The following PARP6 variants were observed in gnomAD, a reference collection of about 807,000 sequenced individuals.
PARP6 encodes poly(ADP-ribose) polymerase family member 6, also known as protein mono-ADP-ribosyltransferase PARP6.
PARP6 carries 27 observed loss-of-function variants against 92.0 expected under a neutral mutation model. The observed-to-expected ratio is 0.29, with a 90% CI of 0.22 to 0.40. PARP6 has a LOEUF of 0.40. Ranked by LOEUF, PARP6 falls within the 10% of genes least tolerant of loss-of-function variation. The pLI is 1.00. For missense variants in PARP6, 501 were observed against 784.5 expected (o/e 0.64, Z 4.32); for synonymous variants, 272 against 281.2 (o/e 0.97, Z 0.33).
rs1186709281 is a variant in PARP6 at position 72,266,835 on chromosome 15, A to G, written c.4-13T>C. ...GGCCTTTGATGTCCTAGTGGTGAGA[A>G]ATAAGGATATCATGCTTTGTTAGGT... is the stretch of plus-strand genomic sequence containing the variant. On this transcript the variant is annotated splice_polypyrimidine_tract_variant and intron_variant, in intron 3 of 23. Transcript: ENST00000569795. 6 of 1,601,264 alleles carry G rather than the reference A, an allele frequency of 3.7e-6. No homozygotes were observed. The highest frequency in any genetic ancestry group is 5.1e-6 in the Non-Finnish European group (6 of 1,168,426).
chr15:72,260,747 G>C, intron 9 of PARP6, 59 bp from the exon 10 acceptor site: 2 of 1,345,462 alleles, frequency 1.5e-6, no homozygotes, highest in South Asian at 2.3e-5. Flanking sequence ...ATCCCTGGAG[G>C]GGACTGGAGA....
intron 2 of PARP6, among the ~76,000 whole-genome samples, chr15:72,268,029 G>A (rs2086833886): frequency 6.6e-6 from 1 of 152,186 alleles, no homozygotes; most frequent in South Asian, 2.1e-4. Context: ...TGGGAATACA[G>A]GCGTGAGCCA....
chr15:72,249,663 G>A (rs550616261), intron 19 of PARP6, among the ~76,000 whole-genome samples: 1 of 152,310 alleles, frequency 6.6e-6, no homozygotes, highest in South Asian at 2.1e-4. Context: ...CACACTCCCT[G>A]GAGTCTCTCA....
At chr15:72,259,425 T>C (rs1192994649) in intron 11 of PARP6, among the ~76,000 whole-genome samples, 183 bp downstream of exon 11, 1 of 152,248 alleles carries the variant, frequency 6.6e-6, no homozygotes, top group Non-Finnish European at 1.5e-5. Flanking sequence ...GTGGTAAGTA[T>C]TGTCTTTCTA....
intron 2 of PARP6, among the ~76,000 whole-genome samples, chr15:72,270,662 G>T (rs575267635): frequency 2.6e-5 from 4 of 152,036 alleles, no homozygotes; most frequent in Admixed American, 2.6e-4. Flanking sequence ...CACATGGCTT[G>T]TTCCTTCACT....
intron 14 of PARP6, among the ~76,000 whole-genome samples, chr15:72,254,764 A>G (rs1204834073): frequency 5.9e-5 from 9 of 152,206 alleles, no homozygotes; most frequent in Admixed American, 5.2e-4. Context: ...GCAAGTGAAG[A>G]TAACTCCTAT....
chr15:72,254,055 T>C lies in PARP6; in HGVS notation c.1191+400A>G, dbSNP rs1367381719. The C allele has an allele frequency of 6.4e-6, 3 of 465,180 alleles. No individual in the cohort carries two copies. In the Admixed American group the frequency reaches 7.0e-5, roughly 11 times the overall value. The allele number at this position is 465,180 out of a possible 1,614,324, so 28.8% of individuals were successfully genotyped here. On this transcript the variant is annotated intron_variant, in intron 15 of 23. Coordinates refer to ENST00000569795, the MANE Select transcript of PARP6 (RefSeq NM_001323532.2). ...GAGTCAAAGGATGGTCACCGCTCCA[T>C]GTGGCTGCCCCACCCCTAGAAGGAT...
At chr15:72,243,261 A>T (rs2083264652) in intron 20 of PARP6, 2 of 152,386 alleles carry the variant, frequency 1.3e-5, no homozygotes, top group South Asian at 2.1e-4. Context: ...CAGCACATGA[A>T]ATCAGCCAGG....
At chr15:72,253,302 C>G (rs536645746) in intron 16 of PARP6, 135 bp downstream of exon 16, 1 of 504,906 alleles carries the variant, frequency 2.0e-6, no homozygotes, top group South Asian at 4.9e-5. Context: ...CAACAAACTC[C>G]AAGAAAAAGC....
At chr15:72,251,176 T>A (rs759586622) in intron 17 of PARP6, 31 bp downstream of exon 17, 1 of 1,485,862 alleles carries the variant, frequency 6.7e-7, no homozygotes. Flanking sequence ...ACCAGAAATT[T>A]AAAGCATTTA....
In PARP6 at chr15:72,260,698, G is replaced by A. The variant is rs766935414; in HGVS notation, c.546-10C>T. On this transcript the variant is annotated splice_polypyrimidine_tract_variant and intron_variant, in intron 9 of 23. Transcript: ENST00000569795. ...AGGGAAACTGGGAGACCTGCAGAGAGAGAGCAAAGAGAAGTGATAAAACTG... is the reference window on the plus strand; with the variant it reads ...AGGGAAACTGGGAGACCTGCAGAGAAAGAGCAAAGAGAAGTGATAAAACTG... The A allele has an allele frequency of 6.3e-7, 1 of 1,597,118 alleles. No homozygotes were observed. Among genetic ancestry groups the A allele is most frequent in the Non-Finnish European group, 8.6e-7 (1 of 1,164,546 alleles).
intron 7 of PARP6, 58 bp downstream of exon 7, chr15:72,265,023 A>G: frequency 1.8e-6 from 2 of 1,137,914 alleles, no homozygotes; most frequent in South Asian, 1.3e-5. Context: ...CAGTTAACTT[A>G]GGGCTTTGGA....
chr15:72,248,963 A>G (rs1038221688), intron 20 of PARP6, among the ~76,000 whole-genome samples: 1 of 152,258 alleles, frequency 6.6e-6, no homozygotes, highest in African/African-American at 2.4e-5. Context: ...CGTGTTCTAC[A>G]AAAAGCCTTG....
At chr15:72,263,790 G>A (rs1456187715) in intron 8 of PARP6, among the ~76,000 whole-genome samples, 3 of 152,168 alleles carry the variant, frequency 2.0e-5, no homozygotes, top group Non-Finnish European at 2.9e-5. Flanking sequence ...GGGAGGCTGA[G>A]GCAGGTGGAT....
At chr15:72,271,675 T>G (rs117298667) in intron 1 of PARP6, among the ~76,000 whole-genome samples, 2,273 of 152,288 alleles carry the variant, frequency 0.015, 40 homozygotes, top group Non-Finnish European at 0.022. Context: ...CTTCATGTGA[T>G]GTGGTTATAA....
At chr15:72,270,792 C>T (rs1370367432) in intron 2 of PARP6, among the ~76,000 whole-genome samples, 3 of 152,144 alleles carry the variant, frequency 2.0e-5, no homozygotes, top group African/African-American at 7.2e-5. Flanking sequence ...TTCCACTTAC[C>T]ATGTTCTAAC....
intron 11 of PARP6, among the ~76,000 whole-genome samples, chr15:72,258,503 A>T (rs917966163): frequency 6.6e-6 from 1 of 152,222 alleles, no homozygotes; most frequent in Non-Finnish European, 1.5e-5. Flanking sequence ...AAGGCATTTT[A>T]AAAATATAAA....
At position 72,264,571 on chromosome 15, in the gene PARP6, C is replaced by T; in HGVS notation, c.379G>A (p.Gly127Ser). Residue 127 changes from glycine (G) to serine (S), a missense_variant, in exon 8 of 24, where the codon GGT (glycine) becomes AGT (serine). Gly to Ser is a moderately conservative substitution (Grantham distance 56, BLOSUM62 0). Coordinates refer to ENST00000569795, the MANE Select transcript of PARP6 (RefSeq NM_001323532.2). ...AGTTCTTACTTTTTCAACTGAAGAC[C>T]CAGCCCAAATCCTTCCTTATTTGAT... is the stretch of plus-strand genomic sequence containing the variant. ...QPSNKEGFGL[G>S]LQLKKILGMF... 1 of 1,613,858 alleles carries T rather than the reference C, an allele frequency of 6.2e-7. No homozygotes were observed. Among genetic ancestry groups the T allele is most frequent in the South Asian group, 1.1e-5 (1 of 91,064 alleles).
intron 15 of PARP6, chr15:72,254,125 C>T (rs948885249): frequency 4.2e-6 from 2 of 477,082 alleles, no homozygotes; most frequent in East Asian, 5.7e-5. Context: ...TTCAAGCCCC[C>T]CTCCTCCTCA....
Sources: allele counts gnomAD v4.1 joint callset (sites outside exome capture counted in the v4.1 genomes callset), GRCh38; gene constraint gnomAD v4.1.1; transcripts MANE v1.5; gene names NCBI Gene and HGNC (gene_info 2026-07-23, HGNC 2026-07-21).